Variants in GRID2 observed in about 807,000 individuals in gnomAD.
The protein encoded by GRID2 is glutamate ionotropic receptor delta type subunit 2.
In GRID2, 33 loss-of-function variants were observed where a neutral mutation model predicts 114.8. The observed-to-expected ratio is 0.29, with a 90% CI of 0.22 to 0.38. The LOEUF is 0.38. GRID2 is among the 10% of genes least tolerant of loss of function. GRID2 has a pLI of 1.00. For synonymous variants in GRID2, 505 were observed against 449.9 expected (o/e 1.12, Z -1.55); for missense variants, 1,184 against 1,257.7 (o/e 0.94, Z 0.89).
At chr4:92,836,371 C>A (rs1742460945) in intron 2 of GRID2, among the ~76,000 whole-genome samples, 1 of 152,020 alleles carries the variant, frequency 6.6e-6, no homozygotes, top group Admixed American at 6.6e-5. Flanking sequence ...ACTGTATAAT[C>A]ATGAATGAGA....
intron 2 of GRID2, among the ~76,000 whole-genome samples, chr4:92,837,137 T>C (rs1481423388): frequency 1.3e-5 from 2 of 152,044 alleles, no homozygotes; most frequent in Non-Finnish European, 2.9e-5. Flanking sequence ...GGAGTTTCTA[T>C]AGCAGGGAAG....
intron 2 of GRID2, among the ~76,000 whole-genome samples, chr4:92,651,820 A>G (rs1210516795): frequency 7.9e-5 from 12 of 152,126 alleles, no homozygotes; most frequent in Non-Finnish European, 1.5e-5. Context: ...GCTATGTCCC[A>G]GAGTGGGGTT....
intron 14 of GRID2, among the ~76,000 whole-genome samples, chr4:93,727,675 G>A (rs1190376514): frequency 6.6e-6 from 1 of 152,164 alleles, no homozygotes; most frequent in Non-Finnish European, 1.5e-5. Context: ...CCTGTTACTG[G>A]TCTATTCAGA....
At chr4:93,424,916 T>A (rs1001537266) in intron 10 of GRID2, among the ~76,000 whole-genome samples, 1 of 152,186 alleles carries the variant, frequency 6.6e-6, no homozygotes, top group East Asian at 1.9e-4. Context: ...CCTTCAAGTT[T>A]ACTGATATTC....
At chr4:92,707,510 C>G (rs1735009266) in intron 2 of GRID2, among the ~76,000 whole-genome samples, 1 of 152,134 alleles carries the variant, frequency 6.6e-6, no homozygotes, top group African/African-American at 2.4e-5. Context: ...ATAATTCACT[C>G]CTCTAGAGAG....
At chr4:92,678,459 A>G (rs1419381110) in intron 2 of GRID2, among the ~76,000 whole-genome samples, 2 of 152,108 alleles carry the variant, frequency 1.3e-5, no homozygotes, top group Non-Finnish European at 2.9e-5. Flanking sequence ...TAAAATTACT[A>G]TCGTAGAAGC....
intron 1 of GRID2, among the ~76,000 whole-genome samples, chr4:92,542,888 G>A (rs1298666979): frequency 6.6e-6 from 1 of 152,076 alleles, no homozygotes; most frequent in African/African-American, 2.4e-5. Flanking sequence ...AGTAGACCCT[G>A]TTCTTCTAAA....
chr4:92,790,149 T>C (rs1739510954), intron 2 of GRID2, among the ~76,000 whole-genome samples: 1 of 151,822 alleles, frequency 6.6e-6, no homozygotes, highest in African/African-American at 2.4e-5. Flanking sequence ...TATATAGTTA[T>C]ACATATAAGT....
chr4:93,299,591 C>A (rs984813165), intron 8 of GRID2, among the ~76,000 whole-genome samples: 4 of 150,812 alleles, frequency 2.7e-5, no homozygotes, highest in African/African-American at 7.3e-5. Context: ...AAGAGATATA[C>A]CTAATGTTAA....
At chr4:92,617,072 CCT>C (rs1435077420) in intron 2 of GRID2, among the ~76,000 whole-genome samples, 5 of 151,164 alleles carry the variant, frequency 3.3e-5, no homozygotes, top group Admixed American at 6.6e-5. Context: ...CATTCAATAT[CCT>C]CTCTCTCGTT....
chr4:93,025,891 A>G (rs1192072426), intron 2 of GRID2, among the ~76,000 whole-genome samples: 2 of 151,728 alleles, frequency 1.3e-5, no homozygotes, highest in Admixed American at 1.3e-4. Context: ...AGAATAAAAG[A>G]GATGATTTTG....
At chr4:92,541,897 C>T (rs1408728500) in intron 1 of GRID2, among the ~76,000 whole-genome samples, 1 of 151,758 alleles carries the variant, frequency 6.6e-6, no homozygotes, top group African/African-American at 2.4e-5. Context: ...ATAGGTGAAA[C>T]ATAGAAAAAA....
rs201480396 is a variant in GRID2, at chr4:92,658,793, G to GTATATATATATATATA, written c.244+68518_244+68533dup. On this transcript the variant is annotated intron_variant, in intron 2 of 15. Transcript: ENST00000282020. ...TGTTTGCATGTATGTGTGTGTGTGT[G>GTATATATATATATATA]TATATATATATATATATATATATAT... 2.7e-4 allele frequency among the ~76,000 whole-genome samples: 36 copies of GTATATATATATATATA among 132,376 alleles called. 1 individual carries two copies. Among genetic ancestry groups the GTATATATATATATATA allele is most frequent in the Non-Finnish European group, 4.4e-4 (27 of 61,636 alleles). The allele number at this position is 132,376 out of a possible 152,430, so 86.8% of individuals were successfully genotyped here. A position where few individuals can be genotyped will look rare whatever the true frequency, so the allele number is the denominator to read the frequency against.
chr4:92,811,450 G>A (rs1740659723), intron 2 of GRID2, among the ~76,000 whole-genome samples: 1 of 151,952 alleles, frequency 6.6e-6, no homozygotes, highest in Admixed American at 6.6e-5. Context: ...AAAACAAAAT[G>A]TGAGGGAGGA....
intron 2 of GRID2, among the ~76,000 whole-genome samples, chr4:92,941,181 G>C (rs1323045495): frequency 1.3e-5 from 2 of 152,146 alleles, no homozygotes; most frequent in East Asian, 3.9e-4. Context: ...GAATTCGGCT[G>C]TGAATCCCTC....
chr4:93,772,027 T>A, intron 15 of GRID2, 49 bp from the exon 16 acceptor site: 2 of 1,084,976 alleles, frequency 1.8e-6, no homozygotes, highest in Non-Finnish European at 2.7e-6. Flanking sequence ...TTTTTAACCA[T>A]CAAAGCTAGT....
chr4:93,360,426 C>T (rs1451362334), intron 8 of GRID2, among the ~76,000 whole-genome samples: 1 of 151,888 alleles, frequency 6.6e-6, no homozygotes, highest in African/African-American at 2.4e-5. Context: ...CATCTGAGAT[C>T]AATTTGGCTT....
At chr4:92,844,725 GAA>G (rs796077642) in intron 2 of GRID2, among the ~76,000 whole-genome samples, 1 of 141,028 alleles carries the variant, frequency 7.1e-6, no homozygotes, top group Non-Finnish European at 1.6e-5. Flanking sequence ...AAAAAAGAAA[GAA>G]AAAAAAAAGA....
At chr4:93,212,120 A>C (rs970199705) in intron 5 of GRID2, among the ~76,000 whole-genome samples, 1 of 151,922 alleles carries the variant, frequency 6.6e-6, no homozygotes, top group Non-Finnish European at 1.5e-5. Flanking sequence ...ATGTAATAAT[A>C]AAAAAAACCC....
Sources: allele counts gnomAD v4.1 joint callset (sites outside exome capture counted in the v4.1 genomes callset), GRCh38; gene constraint gnomAD v4.1.1; transcripts MANE v1.5; gene names NCBI Gene and HGNC (gene_info 2026-07-23, HGNC 2026-07-21).